INSR: variants seen among roughly 807,000 people sequenced by gnomAD.
INSR encodes the protein insulin receptor.
Under a neutral mutation model 142.6 loss-of-function variants are expected in INSR, and 67 were observed. The observed-to-expected ratio is 0.47, with a 90% CI of 0.39 to 0.58. The LOEUF is 0.58. Ranked by LOEUF, INSR falls within the 20% of genes least tolerant of loss-of-function variation. The pLI, the probability that INSR is intolerant of heterozygous loss-of-function variation, is 0.00. For missense variants in INSR, 1,248 were observed against 1,833.2 expected, an observed-to-expected ratio of 0.68 and a Z score of 5.83; for synonymous variants, 756 against 743.1, an observed-to-expected ratio of 1.02 and a Z score of -0.28.
chr19:7,271,138 A>T (rs1412007187), intron 1 of INSR, among the ~76,000 whole-genome samples: 1 of 152,180 alleles, frequency 6.6e-6, no homozygotes, highest in Non-Finnish European at 1.5e-5. Context: ...CCACAGTGAG[A>T]TACCACTTTA....
intron 1 of INSR, among the ~76,000 whole-genome samples, chr19:7,291,449 G>A (rs1331642738): frequency 6.6e-6 from 1 of 152,182 alleles, no homozygotes; most frequent in Non-Finnish European, 1.5e-5. Context: ...TTCTTAGGAA[G>A]GTATTATGCA....
chr19:7,241,028 T>G (rs1373767293), intron 2 of INSR, among the ~76,000 whole-genome samples: 1 of 152,136 alleles, frequency 6.6e-6, no homozygotes, highest in Non-Finnish European at 1.5e-5. Context: ...TCAAAATACA[T>G]GCAGGGCTGG....
intron 4 of INSR, among the ~76,000 whole-genome samples, chr19:7,173,242 C>T (rs1974059880): frequency 6.6e-6 from 1 of 152,190 alleles, no homozygotes. Flanking sequence ...TAAGGACTTT[C>T]CCTTACTCAC....
chr19:7,190,188 C>T (rs1261186337), intron 2 of INSR, among the ~76,000 whole-genome samples: 1 of 149,774 alleles, frequency 6.7e-6, no homozygotes, highest in African/African-American at 2.5e-5. Context: ...CTCTCCTTGC[C>T]GAAAAAAAAA....
In INSR at chr19:7,269,042, A is replaced by C. The variant is rs1853185798; in HGVS notation, c.101-1146T>G. ...TCTGCCAACACACCCACACACCCACACACACACACACACACACACCGCCTC... is the reference window on the plus strand; with the variant it reads ...TCTGCCAACACACCCACACACCCACCCACACACACACACACACACCGCCTC... On this transcript the variant is annotated intron_variant, in intron 1 of 21. Coordinates refer to ENST00000302850, the MANE Select transcript of INSR (RefSeq NM_000208.4). Among the ~76,000 whole-genome samples the C allele has an allele frequency of 2.7e-5, 4 of 150,704 alleles. No homozygotes were observed. In the South Asian group the frequency reaches 8.4e-4, roughly 32 times the overall value.
At chr19:7,241,177 G>T (rs201336949) in intron 2 of INSR, among the ~76,000 whole-genome samples, 31 of 137,760 alleles carry the variant, frequency 2.3e-4, no homozygotes, top group African/African-American at 6.4e-4. Flanking sequence ...ATTTTATTTT[G>T]TTTTTTTTTT....
intron 15 of INSR, among the ~76,000 whole-genome samples, chr19:7,128,638 A>G (rs1034932610): frequency 3.3e-5 from 5 of 152,242 alleles, no homozygotes; most frequent in African/African-American, 1.2e-4. Flanking sequence ...AAAAAAATCA[A>G]TAAAAACATT....
chr19:7,184,666 A>AGG lies in INSR; in HGVS notation c.653-30_653-29insCC, dbSNP rs1555746897. On this transcript the variant is annotated intron_variant, in intron 2 of 21. Transcript: ENST00000302850. ...GAGAGAGAGAGAGAGAGAGAGGGAA[A>AGG]TAAATAAATAAATAAATAAATAAAT... 2.1e-4 allele frequency: 143 copies of AGG among 667,276 alleles called. No homozygotes were observed. In the African/African-American group the frequency reaches 5.5e-3, roughly 26 times the overall value. 41.3% of individuals were successfully genotyped at this position (667,276 alleles called of 1,614,324 possible). A position where few individuals can be genotyped will look rare whatever the true frequency, so the allele number is the denominator to read the frequency against.
At chr19:7,212,595 G>GT (rs1330322355) in intron 2 of INSR, among the ~76,000 whole-genome samples, 2 of 151,900 alleles carry the variant, frequency 1.3e-5, no homozygotes, top group Admixed American at 6.6e-5. Context: ...TTATTTTTGG[G>GT]TTTTTTTGAG....
chr19:7,284,054 G>T (rs528282241), intron 1 of INSR, among the ~76,000 whole-genome samples: 1 of 151,594 alleles, frequency 6.6e-6, no homozygotes, highest in Non-Finnish European at 1.5e-5. Flanking sequence ...GTTGGTTTTG[G>T]AGTTTTTTTG....
intron 2 of INSR, among the ~76,000 whole-genome samples, chr19:7,265,692 A>G (rs1023679370): frequency 6.6e-6 from 1 of 150,994 alleles, no homozygotes; most frequent in African/African-American, 2.4e-5. Flanking sequence ...CCGAGATTGC[A>G]CCATCGCACT....
At chr19:7,268,917 ATTTCC>A (rs1179593177) in intron 1 of INSR, among the ~76,000 whole-genome samples, 1 of 151,850 alleles carries the variant, frequency 6.6e-6, no homozygotes, top group Non-Finnish European at 1.5e-5. Context: ...GCCGTCCCTG[ATTTCC>A]TTTCCTTGGC....
At chr19:7,117,472 C>G in intron 21 of INSR, 62 bp from the exon 22 acceptor site, 2 of 1,298,440 alleles carry the variant, frequency 1.5e-6, no homozygotes, top group Non-Finnish European at 2.2e-6. Flanking sequence ...TCCTCCCAAA[C>G]CCCCACTCTT....
In INSR at chr19:7,248,415, G is replaced by A. The variant is rs182938201; in HGVS notation, c.652+18930C>T. On this transcript the variant is annotated intron_variant, in intron 2 of 21. Coordinates refer to ENST00000302850, the MANE Select transcript of INSR (RefSeq NM_000208.4). ...GTGGGAGGATCACTTAAGCCTGAGAGGTTGAGGCTTCAGTGAGGTGTGATT... is the reference window on the plus strand; with the variant it reads ...GTGGGAGGATCACTTAAGCCTGAGAAGTTGAGGCTTCAGTGAGGTGTGATT... Among the ~76,000 whole-genome samples, 1,195 of 145,814 alleles carry A rather than the reference G, an allele frequency of 8.2e-3. 11 individuals are homozygous for A. Among genetic ancestry groups the A allele is most frequent in the African/African-American group, 0.028 (1,127 of 39,768 alleles).
chr19:7,172,561 T>G (rs940801264), intron 4 of INSR, 127 bp from the exon 5 acceptor site: 5 of 1,006,000 alleles, frequency 5.0e-6, no homozygotes, highest in Non-Finnish European at 7.8e-6. Context: ...AAACTCATCA[T>G]GCTTAGAACA....
chr19:7,188,461 C>T (rs559097765), intron 2 of INSR, among the ~76,000 whole-genome samples: 2 of 146,302 alleles, frequency 1.4e-5, no homozygotes, highest in East Asian at 4.1e-4. Flanking sequence ...GGCTGAGGCA[C>T]AAGAATCACT....
chr19:7,291,861 T>C lies in INSR; in HGVS notation c.100+1931A>G, dbSNP rs1003796593. Among the ~76,000 whole-genome samples, 5 of 152,240 alleles carry C rather than the reference T, an allele frequency of 3.3e-5. No homozygotes were observed. In the East Asian group the frequency reaches 5.8e-4, roughly 18 times the overall value. On this transcript the variant is annotated intron_variant, in intron 1 of 21. Transcript: ENST00000302850. ...GCTCTGTCGCCCAGTGGCACGATCTTGGCTCACTGCAAGCTCCGCCTCCCG... is the reference window on the plus strand; with the variant it reads ...GCTCTGTCGCCCAGTGGCACGATCTCGGCTCACTGCAAGCTCCGCCTCCCG...
chr19:7,188,373 C>A (rs1390071054), intron 2 of INSR, among the ~76,000 whole-genome samples: 1 of 149,676 alleles, frequency 6.7e-6, no homozygotes, highest in Non-Finnish European at 1.5e-5. Flanking sequence ...TGGTAAAACC[C>A]CGACTCTACT....
chr19:7,294,220 C>G lies in INSR; in HGVS notation c.-329G>C, dbSNP rs865976511. ...GGGACTGTCTCTCGGCTCTCGGCCC[C>G]GCGCGCTCTGGGTCGCGATCTGCGG... On this transcript the variant is annotated 5_prime_UTR_variant, in exon 1 of 22. Transcript: ENST00000302850. Among the ~76,000 whole-genome samples the G allele has an allele frequency of 3.3e-5, 5 of 151,252 alleles. No homozygotes were observed. The highest frequency in any genetic ancestry group is 6.6e-5 in the Admixed American group (1 of 15,228).
Sources: allele counts gnomAD v4.1 joint callset (sites outside exome capture counted in the v4.1 genomes callset), GRCh38; gene constraint gnomAD v4.1.1; transcripts MANE v1.5; gene names NCBI Gene and HGNC (gene_info 2026-07-23, HGNC 2026-07-21).